NECAP2: variants seen among roughly 807,000 people sequenced by gnomAD.
NECAP2 encodes adaptin ear-binding coat-associated protein 2.
Under a neutral mutation model 37.8 loss-of-function variants are expected in NECAP2, and 38 were observed. The observed-to-expected ratio is 1.01, with a 90% CI of 0.78 to 1.32. The LOEUF (loss-of-function observed/expected upper bound fraction) is 1.32, where lower values mean the gene tolerates loss of function less well. Among genes scored for constraint, NECAP2 ranks in the 40% most tolerant of loss-of-function variants. NECAP2 has a pLI of 0.00. For missense variants in NECAP2, 316 were observed against 334.5 expected (o/e 0.94, Z 0.43); for synonymous variants, 121 against 127.7 (o/e 0.95, Z 0.35).
chr1:16,451,956 C>A lies in NECAP2; in HGVS notation c.608C>A (p.Pro203His), dbSNP rs764781981. Reference protein sequence around the residue: ...GGKTSTLIPPPGEQLAVGGSL... With the variant: ...GGKTSTLIPPHGEQLAVGGSL... ...AAAACCTCCACCCTGATCCCTCCCCCTGGGGAGCAGTTGGCTGTGGGGGGA... is the reference window on the plus strand; with the variant it reads ...AAAACCTCCACCCTGATCCCTCCCCATGGGGAGCAGTTGGCTGTGGGGGGA... The change falls in exon 6 of 8, where the codon CCT becomes CAT. Residue 203 changes from proline (P) to histidine (H), a missense_variant. Pro to His is a moderately conservative substitution (Grantham distance 77). Around this residue, in one of 3 missense-constraint regions of NECAP2, gnomAD observed 204 missense variants for 188.6 expected, o/e 1.08. Coordinates refer to ENST00000337132, the MANE Select transcript of NECAP2 (RefSeq NM_018090.5). 1 of 1,612,418 alleles carries A rather than the reference C, an allele frequency of 6.2e-7. No homozygotes were observed.
rs149798654 is a variant in NECAP2, at chr1:16,440,750, C to G, written c.-12C>G. 32 of 1,612,180 alleles carry G rather than the reference C, an allele frequency of 2.0e-5. No individual in the cohort carries two copies. In the African/African-American group the frequency reaches 3.3e-4, roughly 17 times the overall value. On this transcript the variant is annotated 5_prime_UTR_variant, in exon 1 of 8. Transcript: ENST00000337132. ...GAAGTCGCCGGAAGTTCGGTGGGCTCCAGGCGTCGCGATGGAGGAGAGCGG... is the reference window on the plus strand; with the variant it reads ...GAAGTCGCCGGAAGTTCGGTGGGCTGCAGGCGTCGCGATGGAGGAGAGCGG...
At chr1:16,457,956 C>T (rs2086951140) in intron 7 of NECAP2, among the ~76,000 whole-genome samples, 1 of 151,990 alleles carries the variant, frequency 6.6e-6, no homozygotes, top group Admixed American at 6.6e-5. Context: ...AGCAGTCCGC[C>T]TACCTCAGCC....
rs371740321 is a variant in NECAP2 at position 16,455,859 on chromosome 1, G to A, written c.709G>A (p.Ala237Thr). The change falls in exon 7 of 8, where the codon GCT (alanine) becomes ACT (threonine). Residue 237 changes from alanine (A) to threonine (T), a missense_variant. Around this residue, in one of 3 missense-constraint regions of NECAP2, gnomAD observed 204 missense variants for 188.6 expected, o/e 1.08. Coordinates refer to ENST00000337132, the MANE Select transcript of NECAP2 (RefSeq NM_018090.5). Reference sequence around the variant, plus strand: ...CTGGCCACAGCCCAATCCTGCCACTGCTGACATCTGGGGAGACTTTACCAA... The same window carrying A: ...CTGGCCACAGCCCAATCCTGCCACTACTGACATCTGGGGAGACTTTACCAA... ...VPWPQPNPATADIWGDFTKST... is the reference protein window; with the variant it reads ...VPWPQPNPATTDIWGDFTKST... The A allele has an allele frequency of 6.2e-6, 10 of 1,614,020 alleles. No homozygotes were observed. Among genetic ancestry groups the A allele is most frequent in the Non-Finnish European group, 7.6e-6 (9 of 1,180,012 alleles).
At chr1:16,442,720 G>C (rs1375504560) in intron 1 of NECAP2, among the ~76,000 whole-genome samples, 1 of 152,200 alleles carries the variant, frequency 6.6e-6, no homozygotes, top group Non-Finnish European at 1.5e-5. Flanking sequence ...TTGAGCCCAA[G>C]ACTTCAGGAC....
In NECAP2 at chr1:16,452,195, A is replaced by C. The variant is rs545628656; in HGVS notation, c.667+180A>C. On this transcript the variant is annotated intron_variant, in intron 6 of 7. Transcript: ENST00000337132. Reference sequence around the variant, plus strand: ...ACACGCTGGGTAAGGGGCTCCTCCTACTTGGCCTTTAGGGCGTCTGCCCTC... The same window carrying C: ...ACACGCTGGGTAAGGGGCTCCTCCTCCTTGGCCTTTAGGGCGTCTGCCCTC... Among the ~76,000 whole-genome samples the C allele has an allele frequency of 9.9e-5, 15 of 152,256 alleles. No individual in the cohort carries two copies. In the South Asian group the frequency reaches 3.1e-3, roughly 32 times the overall value.
At chr1:16,448,169 A>G (rs2086790651) in intron 4 of NECAP2, 28 bp downstream of exon 4, 3 of 1,583,656 alleles carry the variant, frequency 1.9e-6, no homozygotes, top group Non-Finnish European at 1.7e-6. Context: ...ACACACGCTC[A>G]TGCCCCTCCC....
At position 16,458,905 on chromosome 1, in the gene NECAP2, T is replaced by G; in HGVS notation, c.*15T>G. The G allele has an allele frequency of 6.2e-7, 1 of 1,614,132 alleles. No individual in the cohort carries two copies. ...TCCAGTTCTGACCTGAGCACGGTTT[T>G]TCCTCATGTGACTTCTGGGAAGGCG... On this transcript the variant is annotated 3_prime_UTR_variant, in exon 8 of 8. Coordinates refer to ENST00000337132, the MANE Select transcript of NECAP2 (RefSeq NM_018090.5).
chr1:16,448,107 T>C lies in NECAP2; in HGVS notation c.346T>C (p.Phe116Leu), dbSNP rs1298973894. The change falls in exon 4 of 8, where the codon TTT becomes CTT. Residue 116 changes from phenylalanine to leucine, a missense_variant. Transcript: ENST00000337132. ...GIGFGDRGDA[F>L]DFNVALQDHF... ...TGGCTTCGGGGACCGAGGTGATGCC[T>C]TTGACTTCAATGTTGCATTGCAGGA... 1.9e-6 allele frequency: 3 copies of C among 1,614,140 alleles called. No homozygotes were observed. Among genetic ancestry groups the C allele is most frequent in the Non-Finnish European group, 2.5e-6 (3 of 1,180,018 alleles).
chr1:16,455,561 C>T, intron 6 of NECAP2: 1 of 471,706 alleles, frequency 2.1e-6, no homozygotes, highest in Non-Finnish European at 3.8e-6. Context: ...ATCCCGCGGG[C>T]ACCCCTCGTT....
chr1:16,459,252 C>G lies in NECAP2; in HGVS notation c.*362C>G. ...TTGAGTTTGCTGCCAGGATTCAGAT[C>G]AGCCCTTCCCAGGGTCTGCAGGTGT... On this transcript the variant is annotated 3_prime_UTR_variant, in exon 8 of 8. Transcript: ENST00000337132. The G allele has an allele frequency of 3.5e-6, 1 of 289,366 alleles. No individual in the cohort carries two copies. Among genetic ancestry groups the G allele is most frequent in the Non-Finnish European group, 6.5e-6 (1 of 154,938 alleles). The allele number at this position is 289,366 out of a possible 1,614,324, so 17.9% of individuals were successfully genotyped here.
At chr1:16,452,681 G>A (rs548196474) in intron 6 of NECAP2, among the ~76,000 whole-genome samples, 1 of 152,232 alleles carries the variant, frequency 6.6e-6, no homozygotes, top group Non-Finnish European at 1.5e-5. Context: ...GAGCCCTTAG[G>A]AGACCCTGGG....
At chr1:16,454,692 C>T (rs996613571) in intron 6 of NECAP2, among the ~76,000 whole-genome samples, 4 of 152,156 alleles carry the variant, frequency 2.6e-5, no homozygotes, top group African/African-American at 9.7e-5. Context: ...TTCTCCATGC[C>T]TCATTTTTCT....
chr1:16,442,955 G>A (rs549495485), intron 1 of NECAP2, among the ~76,000 whole-genome samples: 1 of 152,304 alleles, frequency 6.6e-6, no homozygotes, highest in South Asian at 2.1e-4. Context: ...CATTGCTGTA[G>A]GTTCATGGTT....
rs190211806 is a variant in NECAP2, at chr1:16,442,504, C to T, written c.93-1128C>T. Among the ~76,000 whole-genome samples the T allele has an allele frequency of 1.9e-3, 290 of 152,302 alleles. 1 individual carries two copies. Among genetic ancestry groups the T allele is most frequent in the African/African-American group, 6.5e-3 (271 of 41,558 alleles). On this transcript the variant is annotated intron_variant, in intron 1 of 7. Coordinates refer to ENST00000337132, the MANE Select transcript of NECAP2 (RefSeq NM_018090.5). ...GCATTTGTGCAGCCCTCAAGACAGC[C>T]GCGTCCAGGGTTCTTGAGAACTGGC...
chr1:16,448,985 C>A, intron 4 of NECAP2, 108 bp from the exon 5 acceptor site: 1 of 706,712 alleles, frequency 1.4e-6, no homozygotes, highest in South Asian at 1.8e-5. Flanking sequence ...CCCCGTCTCA[C>A]TACGAGGCTC....
intron 7 of NECAP2, among the ~76,000 whole-genome samples, chr1:16,458,014 A>C (rs2100973759): frequency 6.6e-6 from 1 of 152,170 alleles, no homozygotes; most frequent in East Asian, 1.9e-4. Context: ...CCTGGCCCAA[A>C]ATATAGTAAT....
chr1:16,451,830 C>T lies in NECAP2; in HGVS notation c.490-8C>T. The T allele has an allele frequency of 1.2e-6, 2 of 1,614,088 alleles. No individual in the cohort carries two copies. The highest frequency in any genetic ancestry group is 1.1e-5 in the South Asian group (1 of 91,086). On this transcript the variant is annotated splice_polypyrimidine_tract_variant and splice_region_variant and intron_variant, in intron 5 of 7. Coordinates refer to ENST00000337132, the MANE Select transcript of NECAP2 (RefSeq NM_018090.5). ...ACGGGCTGATTTGCATTCCTCTTCC[C>T]TCTTTAGAACATGAAGAAGAAGGAA...
chr1:16,455,719 ACT>A, intron 6 of NECAP2, 97 bp from the exon 7 acceptor site: 2 of 925,818 alleles, frequency 2.2e-6, no homozygotes, highest in Non-Finnish European at 3.5e-6. Flanking sequence ...GAGACTGATC[ACT>A]GAGTCTCATG....
chr1:16,453,018 GTTCT>G (rs2086869028), intron 6 of NECAP2, among the ~76,000 whole-genome samples: 1 of 152,100 alleles, frequency 6.6e-6, no homozygotes, highest in Admixed American at 6.6e-5. Context: ...ACCAGGAACT[GTTCT>G]TTAAGTGCTA....
Sources: gnomAD v4.1 joint callset for allele counts (sites outside exome capture counted in the v4.1 genomes callset) on GRCh38, gnomAD v4.1.1 for gene constraint, gnomAD v4.1.1 regional missense constraint, MANE v1.5 for transcripts, NCBI Gene and HGNC (gene_info 2026-07-23, HGNC 2026-07-21) for gene names.